Variants in ARK2N observed in about 807,000 individuals in gnomAD.
ARK2N encodes protein ARK2N.
chr18:46,189,936 A>G, the ARK2N span, among the ~76,000 whole-genome samples: 2 of 152,136 alleles, frequency 1.3e-5, no homozygotes, highest in African/African-American at 4.8e-5. Context: ...AGATACAGAC[A>G]TTCAGAACTT....
chr18:46,176,082 G>A, the ARK2N span, among the ~76,000 whole-genome samples: 1 of 152,276 alleles, frequency 6.6e-6, no homozygotes, highest in Admixed American at 6.5e-5. Context: ...GGGCTAATGC[G>A]TGTCCTTCAA....
chr18:46,239,883 G>T, the ARK2N span: 3 of 868,988 alleles, frequency 3.5e-6, no homozygotes, highest in Non-Finnish European at 5.5e-6. Flanking sequence ...GATCTATAAA[G>T]TGCAGCTTTT....
At chr18:46,182,683 C>CTTTT in the ARK2N span, among the ~76,000 whole-genome samples, 6 of 87,802 alleles carry the variant, frequency 6.8e-5, no homozygotes, top group Non-Finnish European at 8.7e-5. Flanking sequence ...AGCCACAGTG[C>CTTTT]TTTTTTTTTT....
At chr18:46,240,215 A>G in the ARK2N span, 1 of 1,612,032 alleles carries the variant, frequency 6.2e-7, no homozygotes, top group Non-Finnish European at 8.5e-7. Context: ...CCCTTCTCTA[A>G]CGGTGTAATA....
the ARK2N span, among the ~76,000 whole-genome samples, chr18:46,183,927 G>C: frequency 1.3e-5 from 2 of 151,996 alleles, no homozygotes; most frequent in East Asian, 3.9e-4. Flanking sequence ...GGGTTCAAGC[G>C]ATTCTCCTGC....
chr18:46,203,498 TCTGTATATGGTCATTAC>T, the ARK2N span, among the ~76,000 whole-genome samples: 3 of 152,200 alleles, frequency 2.0e-5, no homozygotes, highest in Admixed American at 1.3e-4. Flanking sequence ...TTGGGAATGT[TCTGTATATGGTCATTAC>T]GTGGATATGT....
the ARK2N span, chr18:46,228,681 G>A: frequency 7.6e-6 from 3 of 396,648 alleles, no homozygotes; most frequent in Non-Finnish European, 1.3e-5. Context: ...TGCCTCCCAG[G>A]TTCAAGCAAT....
chr18:46,182,547 C>T, the ARK2N span, among the ~76,000 whole-genome samples: 1 of 152,096 alleles, frequency 6.6e-6, no homozygotes, highest in African/African-American at 2.4e-5. Context: ...AGTTTTAGAC[C>T]AGCCGGGGCA....
chr18:46,247,694 A>G, the ARK2N span, among the ~76,000 whole-genome samples: 1 of 152,122 alleles, frequency 6.6e-6, no homozygotes, highest in African/African-American at 2.4e-5. Flanking sequence ...ATTGATTGAG[A>G]TGGCATCTTG....
chr18:46,245,573 TAAA>T, the ARK2N span, among the ~76,000 whole-genome samples: 2 of 117,416 alleles, frequency 1.7e-5, no homozygotes, highest in Non-Finnish European at 3.4e-5. Flanking sequence ...TCTGTCTCAA[TAAA>T]AAAAAAAAAA....
chr18:46,266,863 A>C, the ARK2N span: 1 of 152,662 alleles, frequency 6.6e-6, no homozygotes, highest in Non-Finnish European at 1.5e-5. Context: ...TGGAGAAAAA[A>C]TAATAAAACA....
chr18:46,198,827 G>T, the ARK2N span, among the ~76,000 whole-genome samples: 11 of 152,256 alleles, frequency 7.2e-5, no homozygotes, highest in South Asian at 2.3e-3. Flanking sequence ...TCGAACTCCT[G>T]ACCTTGTGAT....
At chr18:46,196,294 C>T in the ARK2N span, among the ~76,000 whole-genome samples, 1 of 142,712 alleles carries the variant, frequency 7.0e-6, no homozygotes, top group Non-Finnish European at 1.5e-5. Flanking sequence ...CGGAGTCTCG[C>T]TCTGTCGCCC....
chr18:46,211,956 C>T, the ARK2N span, among the ~76,000 whole-genome samples: 3 of 152,228 alleles, frequency 2.0e-5, no homozygotes, highest in East Asian at 5.8e-4. Flanking sequence ...TGACCAAAAA[C>T]AATATATGCA....
chr18:46,252,008 C>T, the ARK2N span, among the ~76,000 whole-genome samples: 2,242 of 152,084 alleles, frequency 0.015, 35 homozygotes, highest in Non-Finnish European at 0.025. Context: ...GCCTGGCCAA[C>T]GTGACGAAAC....
chr18:46,190,431 T>C, the ARK2N span, among the ~76,000 whole-genome samples: 6 of 20,706 alleles, frequency 2.9e-4, no homozygotes, highest in African/African-American at 7.8e-4. Flanking sequence ...GAGGTTGCGG[T>C]GAGCTGAGAT....
At chr18:46,177,116 G>T in the ARK2N span, among the ~76,000 whole-genome samples, 1 of 152,128 alleles carries the variant, frequency 6.6e-6, no homozygotes, top group Non-Finnish European at 1.5e-5. Flanking sequence ...GTTATTTTAG[G>T]AAAGAGTTTG....
At chr18:46,177,619 G>C in the ARK2N span, among the ~76,000 whole-genome samples, 1 of 151,618 alleles carries the variant, frequency 6.6e-6, no homozygotes, top group Admixed American at 6.6e-5. Context: ...GTAGAGATGT[G>C]GTTTCACCAT....
chr18:46,229,892 C>T, the ARK2N span, among the ~76,000 whole-genome samples: 1,738 of 152,078 alleles, frequency 0.011, 60 homozygotes, highest in East Asian at 0.12. Context: ...GTACGAGCCA[C>T]CACGCCTCGC....
Sources: gnomAD v4.1 joint callset for allele counts (sites outside exome capture counted in the v4.1 genomes callset) on GRCh38, gnomAD v4.1.1 for gene constraint, MANE v1.5 for transcripts, NCBI Gene and HGNC (gene_info 2026-07-23, HGNC 2026-07-21) for gene names.